OR14A16: variants seen among roughly 807,000 people sequenced by gnomAD.
OR14A16 encodes the protein olfactory receptor family 14 subfamily A member 16.
For missense variants in OR14A16, 341 were observed against 366.5 expected, an observed-to-expected ratio of 0.93 and a Z score of 0.57; for synonymous variants, 135 against 137.6, an observed-to-expected ratio of 0.98 and a Z score of 0.13.
intron 1 of OR14A16, among the ~76,000 whole-genome samples, chr1:247,823,079 C>G (rs1274947695): frequency 1.3e-5 from 2 of 152,178 alleles, no homozygotes; most frequent in South Asian, 2.1e-4. Flanking sequence ...TGCCTGATAT[C>G]TCTGAGGCTT....
At chr1:247,822,677 A>G (rs942224102) in intron 1 of OR14A16, among the ~76,000 whole-genome samples, 2 of 152,200 alleles carry the variant, frequency 1.3e-5, no homozygotes, top group Admixed American at 6.5e-5. Flanking sequence ...CCTATTGGTT[A>G]TGCTTATCTG....
rs745701006 is a variant in OR14A16 at position 247,823,224 on chromosome 1, T to C, written c.-131+729A>G. Among the ~76,000 whole-genome samples, 14 of 152,344 alleles carry C rather than the reference T, an allele frequency of 9.2e-5. No homozygotes were observed. The South Asian group carries it at 1.2e-3, about 14-fold the overall frequency. On this transcript the variant is annotated intron_variant, in intron 1 of 2. Transcript: ENST00000641093. ...TAAAATAAGCCAGGCACACAGTGGC[T>C]CATGCCTGTAATCCCAATGTTTTGG...
intron 1 of OR14A16, among the ~76,000 whole-genome samples, chr1:247,821,922 G>C (rs1039489748): frequency 9.0e-6 from 1 of 111,290 alleles, no homozygotes; most frequent in Non-Finnish European, 2.2e-5. Flanking sequence ...ATAGGTTTTG[G>C]CTTTTTTGGT....
intron 2 of OR14A16, among the ~76,000 whole-genome samples, chr1:247,816,897 C>T (rs1018705973): frequency 1.3e-5 from 2 of 151,944 alleles, no homozygotes; most frequent in African/African-American, 2.4e-5. Flanking sequence ...AGTTGTACAA[C>T]GACAATGCGT....
chr1:247,822,553 T>C (rs1662761344), intron 1 of OR14A16, among the ~76,000 whole-genome samples: 1 of 152,090 alleles, frequency 6.6e-6, no homozygotes, highest in Non-Finnish European at 1.5e-5. Context: ...GCTTTCAAAC[T>C]GAATCATAAT....
At chr1:247,822,522 A>G (rs1312890722) in intron 1 of OR14A16, among the ~76,000 whole-genome samples, 1 of 152,038 alleles carries the variant, frequency 6.6e-6, no homozygotes, top group Non-Finnish European at 1.5e-5. Flanking sequence ...GGGCTGCACC[A>G]TCAGTTTCCC....
chr1:247,814,845 C>A lies in OR14A16; in HGVS notation c.885G>T (p.Lys295Asn), dbSNP rs747877443. Residue 295 changes from lysine to asparagine, a missense_variant, in exon 3 of 3, where the codon AAG (lysine) becomes AAT (asparagine). Lys to Asn is a moderately conservative substitution (Grantham distance 94). Coordinates refer to ENST00000641093, the MANE Select transcript of OR14A16 (RefSeq NM_001001966.2). ...IIYSLRNKAIKVALGMLIKGK... is the reference protein window; with the variant it reads ...IIYSLRNKAINVALGMLIKGK... ...CCTTTATCAACATCCCCAGAGCCAC[C>A]TTTATGGCCTTGTTTCTCAAACTGT... 3.1e-6 allele frequency: 5 copies of A among 1,600,474 alleles called. No individual in the cohort carries two copies. The highest frequency in any genetic ancestry group is 2.2e-5 in the East Asian group (1 of 44,754).
In OR14A16 at chr1:247,822,299, G is replaced by GGT. The variant is rs1328996077; in HGVS notation, c.-131+1652_-131+1653dup. ...CCCTTAATGCCCTTAATGGGGCTGG[G>GGT]GTGTGTGTGTGTGGCGGGGGGGGAG... is the stretch of plus-strand genomic sequence containing the variant. On this transcript the variant is annotated intron_variant, in intron 1 of 2. Transcript: ENST00000641093. Among the ~76,000 whole-genome samples, 349 of 114,322 alleles carry GGT rather than the reference G, an allele frequency of 3.1e-3. 3 individuals carry two copies. Among genetic ancestry groups the GGT allele is most frequent in the Non-Finnish European group, 5.3e-3 (286 of 53,604 alleles). 75.0% of individuals were successfully genotyped at this position (114,322 alleles called of 152,430 possible). A position where few individuals can be genotyped will look rare whatever the true frequency, so the allele number is the denominator to read the frequency against.
chr1:247,815,622 G>A lies in OR14A16; in HGVS notation c.108C>T (p.Ala36=), dbSNP rs56958172. ...TGATAATGAGGACATTCCCCATCAG[G>A]GCACACAAATAAATCAACAAGAAGA... ...SILFLLIYLC[A]LMGNVLIIMI... The change falls in exon 3 of 3, where the codon GCC becomes GCT. Residue 36 remains alanine, a synonymous_variant. Transcript: ENST00000641093. 100,661 of 1,611,494 alleles carry A rather than the reference G, an allele frequency of 0.062. 4,606 individuals carry two copies. The highest frequency in any genetic ancestry group is 0.24 in the African/African-American group (17,641 of 74,814).
chr1:247,817,091 T>A (rs540409510), intron 2 of OR14A16, among the ~76,000 whole-genome samples: 1 of 152,356 alleles, frequency 6.6e-6, no homozygotes, highest in African/African-American at 2.4e-5. Flanking sequence ...TGCAGTGACA[T>A]GTGGGGGCTT....
chr1:247,822,564 A>G (rs1345131546), intron 1 of OR14A16, among the ~76,000 whole-genome samples: 1 of 151,904 alleles, frequency 6.6e-6, no homozygotes, highest in African/African-American at 2.4e-5. Flanking sequence ...GAATCATAAT[A>G]CCAGATTCTC....
chr1:247,822,128 A>T (rs1358766582), intron 1 of OR14A16, among the ~76,000 whole-genome samples: 1 of 152,030 alleles, frequency 6.6e-6, no homozygotes, highest in African/African-American at 2.4e-5. Flanking sequence ...TATTTTCCAT[A>T]CTGTGGTAGT....
At chr1:247,816,094 T>C (rs1662617155) in intron 2 of OR14A16, among the ~76,000 whole-genome samples, 1 of 152,172 alleles carries the variant, frequency 6.6e-6, no homozygotes, top group Non-Finnish European at 1.5e-5. Flanking sequence ...TCTTGAAAAC[T>C]CAAACCAACA....
intron 1 of OR14A16, among the ~76,000 whole-genome samples, chr1:247,823,347 A>G (rs75149240): frequency 0.1 from 15,369 of 152,082 alleles, 1,276 homozygotes; most frequent in African/African-American, 0.23. Flanking sequence ...AAATAAAAAC[A>G]TTATCTGGTT....
chr1:247,819,652 C>T (rs1011007687), intron 1 of OR14A16, among the ~76,000 whole-genome samples: 3 of 143,220 alleles, frequency 2.1e-5, no homozygotes, highest in African/African-American at 7.9e-5. Flanking sequence ...GGCAATCTAA[C>T]ATATCCATCA....
chr1:247,818,724 T>G (rs1283537461), intron 2 of OR14A16, among the ~76,000 whole-genome samples: 1 of 152,158 alleles, frequency 6.6e-6, no homozygotes. Flanking sequence ...GTAAGGAGTT[T>G]GGAGGAAAGT....
chr1:247,822,319 G>T lies in OR14A16; in HGVS notation c.-131+1634C>A, dbSNP rs1423103983. Among the ~76,000 whole-genome samples the T allele has an allele frequency of 2.2e-4, 29 of 130,374 alleles. 3 individuals are homozygous for T. The highest frequency in any genetic ancestry group is 3.9e-4 in the African/African-American group (14 of 35,830). The allele number at this position is 130,374 out of a possible 152,430, so 85.5% of individuals were successfully genotyped here. On this transcript the variant is annotated intron_variant, in intron 1 of 2. Transcript: ENST00000641093. ...GCTGGGGTGTGTGTGTGTGGCGGGG[G>T]GGGAGGGTGGGGATGCTGGCGAAAA...
Position 247,819,178 on chromosome 1 carries a change from C to T in OR14A16, c.-130-1G>A, listed in dbSNP as rs1415899824. On this transcript the variant is annotated splice_acceptor_variant, in intron 1 of 2. Coordinates refer to ENST00000641093, the MANE Select transcript of OR14A16 (RefSeq NM_001001966.2). LOFTEE classifies it low-confidence loss of function (5UTR_SPLICE). ...AAGGCCAGATCTTTCTGTTGGCAAA[C>T]TTCAGTGAAAACAATGCAGTGAGTC... 6.6e-6 allele frequency: 1 copy of T among 152,142 alleles called. No homozygotes were observed. The highest frequency in any genetic ancestry group is 1.5e-5 in the Non-Finnish European group (1 of 68,028). 9.4% of individuals were successfully genotyped at this position (152,142 alleles called of 1,614,324 possible).
intron 2 of OR14A16, among the ~76,000 whole-genome samples, chr1:247,816,727 TCAAAA>T (rs1662628944): frequency 1.3e-5 from 2 of 152,236 alleles, no homozygotes; most frequent in Non-Finnish European, 2.9e-5. Flanking sequence ...AGGCTCTGTC[TCAAAA>T]CAAACAAATA....
Sources: allele counts gnomAD v4.1 joint callset (sites outside exome capture counted in the v4.1 genomes callset), GRCh38; gene constraint gnomAD v4.1.1; transcripts MANE v1.5; gene names NCBI Gene and HGNC (gene_info 2026-07-23, HGNC 2026-07-21).